Variants in ATP13A4 observed in about 807,000 individuals in gnomAD.
ATP13A4 encodes probable cation-transporting ATPase 13A4.
In ATP13A4, 114 loss-of-function variants were observed where a neutral mutation model predicts 142.5. The observed-to-expected ratio is 0.80, with a 90% CI of 0.69 to 0.93. ATP13A4 has a LOEUF of 0.93. Ranked by LOEUF, ATP13A4 falls within the 40% of genes least tolerant of loss-of-function variation. ATP13A4 has a pLI of 0.00. For synonymous variants in ATP13A4, 488 were observed against 514.8 expected, an observed-to-expected ratio of 0.95 and a Z score of 0.70; for missense variants, 1,392 against 1,454.0, an observed-to-expected ratio of 0.96 and a Z score of 0.69.
intron 23 of ATP13A4, 21 bp from the exon 24 acceptor site, chr3:193,435,765 T>TA (rs747092737): frequency 5.1e-6 from 8 of 1,583,916 alleles, no homozygotes; most frequent in Non-Finnish European, 6.9e-6. Flanking sequence ...AAAGAAATGA[T>TA]AAAGACATGA....
intron 24 of ATP13A4, 62 bp from the exon 25 acceptor site, chr3:193,433,979 A>G: frequency 7.9e-7 from 1 of 1,266,876 alleles, no homozygotes; most frequent in Non-Finnish European, 1.2e-6. Flanking sequence ...TTAGATATTG[A>G]TTACATTTAT....
At chr3:193,424,619 C>G (rs768513229) in intron 25 of ATP13A4, among the ~76,000 whole-genome samples, 4 of 149,326 alleles carry the variant, frequency 2.7e-5, no homozygotes, top group Non-Finnish European at 5.9e-5. Context: ...AATTGGTTAT[C>G]GATGCAGAAG....
intron 8 of ATP13A4, among the ~76,000 whole-genome samples, chr3:193,482,131 T>C (rs1719330045): frequency 6.6e-6 from 1 of 152,142 alleles, no homozygotes; most frequent in African/African-American, 2.4e-5. Context: ...AATCAAGAGA[T>C]AGATCCACCT....
intron 17 of ATP13A4, 98 bp downstream of exon 17, chr3:193,454,003 G>C: frequency 3.0e-6 from 3 of 1,016,040 alleles, no homozygotes; most frequent in Non-Finnish European, 4.6e-6. Context: ...CCACCACCCA[G>C]AACCCCTAAG....
At chr3:193,574,494 A>G (rs1001554488) in intron 2 of ATP13A4, among the ~76,000 whole-genome samples, 1 of 152,206 alleles carries the variant, frequency 6.6e-6, no homozygotes, top group Non-Finnish European at 1.5e-5. Context: ...CAAGGTGGAC[A>G]GATCACTTGA....
rs1717442698 is a variant in ATP13A4, at chr3:193,454,166, GC to G, written c.1961del (p.Gly654AlafsTer5). The G allele has an allele frequency of 6.2e-7, 1 of 1,614,008 alleles. No homozygotes were observed. ...TGTAGGCCAGTGCTATGACTCGGAAGCCCTGTGTCGTGTAAATCTGAAGTTC... is the reference window on the plus strand; with the variant it reads ...TGTAGGCCAGTGCTATGACTCGGAAGCCTGTGTCGTGTAAATCTGAAGTTC... ...VSELQIYTTQGFRVIALAYKK... is the reference protein window; with the variant it reads ...VSELQIYTTQXFRVIALAYKK... On this transcript the variant is annotated frameshift_variant, in exon 17 of 30. Transcript: ENST00000342695. LOFTEE classifies it high-confidence loss of function.
intron 1 of ATP13A4, among the ~76,000 whole-genome samples, chr3:193,539,628 C>T (rs1048178344): frequency 4.6e-5 from 7 of 152,218 alleles, no homozygotes; most frequent in African/African-American, 1.4e-4. Flanking sequence ...CTTCTTTCTT[C>T]AGCCTCTCAG....
chr3:193,477,510 C>T (rs2108653420), intron 8 of ATP13A4, among the ~76,000 whole-genome samples: 1 of 151,798 alleles, frequency 6.6e-6, no homozygotes, highest in Middle Eastern at 3.4e-3. Flanking sequence ...CACTTCCAAC[C>T]AAGAGAGAAT....
intron 12 of ATP13A4, 78 bp downstream of exon 12, chr3:193,464,862 G>A (rs979841519): frequency 4.9e-5 from 73 of 1,475,852 alleles, no homozygotes; most frequent in Admixed American, 6.7e-5. Flanking sequence ...CTCCTGCCTT[G>A]CAAGGGGGTA....
intron 28 of ATP13A4, among the ~76,000 whole-genome samples, chr3:193,408,424 A>G (rs574133465): frequency 6.6e-6 from 1 of 152,374 alleles, no homozygotes; most frequent in South Asian, 2.1e-4. Flanking sequence ...AAAATATTAT[A>G]TTAGCATTAA....
chr3:193,425,995 AAT>A (rs1287721805), intron 25 of ATP13A4, among the ~76,000 whole-genome samples: 2 of 151,824 alleles, frequency 1.3e-5, no homozygotes, highest in Non-Finnish European at 3.0e-5. Context: ...AATATGTACA[AAT>A]ATGTGTTAAT....
Position 193,402,298 on chromosome 3 carries a change from TC to T in ATP13A4, c.*353del. ...CTCCGTGAGTATACACAGTACTACT[TC>T]CCCTCAACTCATTTTTATAAAAAGG... is the stretch of plus-strand genomic sequence containing the variant. On this transcript the variant is annotated 3_prime_UTR_variant, in exon 30 of 30. Transcript: ENST00000342695. The T allele has an allele frequency of 3.7e-6, 1 of 273,156 alleles. No homozygotes were observed. The highest frequency in any genetic ancestry group is 7.1e-6 in the Non-Finnish European group (1 of 141,712). 16.9% of individuals were successfully genotyped at this position (273,156 alleles called of 1,614,324 possible). A position where few individuals can be genotyped will look rare whatever the true frequency, so the allele number is the denominator to read the frequency against.
rs1560214319 is a variant in ATP13A4 at position 193,474,662 on chromosome 3, AG to A, written c.809-3670del. Among the ~76,000 whole-genome samples, 43 of 150,280 alleles carry A rather than the reference AG, an allele frequency of 2.9e-4. 1 individual carries two copies. Among genetic ancestry groups the A allele is most frequent in the African/African-American group, 1.1e-3 (43 of 40,396 alleles). ...AAGAAAGAAAGGAAGAAAGAAAGAA[AG>A]AAAGAAAAAGAAAGAAAAAAGAAAG... is the stretch of plus-strand genomic sequence containing the variant. On this transcript the variant is annotated intron_variant, in intron 8 of 29. Transcript: ENST00000342695.
intron 25 of ATP13A4, among the ~76,000 whole-genome samples, chr3:193,426,295 C>G (rs1043202184): frequency 2.0e-5 from 3 of 151,522 alleles, no homozygotes; most frequent in Non-Finnish European, 4.4e-5. Context: ...ATAAACTTAA[C>G]CAAGAAAGAG....
chr3:193,427,735 A>G (rs1038347307), intron 25 of ATP13A4, among the ~76,000 whole-genome samples: 2 of 152,218 alleles, frequency 1.3e-5, no homozygotes, highest in Non-Finnish European at 2.9e-5. Context: ...CTGGCTAGCC[A>G]TATGTAGAAA....
intron 3 of ATP13A4, among the ~76,000 whole-genome samples, chr3:193,497,761 A>G (rs921773925): frequency 1.3e-5 from 2 of 152,160 alleles, no homozygotes; most frequent in African/African-American, 4.8e-5. Flanking sequence ...AATTCTGTCA[A>G]TTTTGACAAT....
chr3:193,554,636 T>G, intron 1 of ATP13A4, 104 bp downstream of exon 1: 1 of 1,402,970 alleles, frequency 7.1e-7, no homozygotes, highest in Non-Finnish European at 1.0e-6. Context: ...GAAAAGTCTG[T>G]GTGTGTGTGA....
intron 2 of ATP13A4, among the ~76,000 whole-genome samples, chr3:193,562,794 C>T (rs1724047204): frequency 6.6e-6 from 1 of 152,042 alleles, no homozygotes; most frequent in Admixed American, 6.6e-5. Context: ...TCACTTGAAC[C>T]CAGAAGGCAG....
chr3:193,466,940 A>C (rs141267265), intron 10 of ATP13A4, among the ~76,000 whole-genome samples: 2 of 151,630 alleles, frequency 1.3e-5, no homozygotes, highest in East Asian at 4.0e-4. Context: ...TATGGGTCCA[A>C]AAAAAAATGG....
Sources: gnomAD v4.1 joint callset for allele counts (sites outside exome capture counted in the v4.1 genomes callset) on GRCh38, gnomAD v4.1.1 for gene constraint, MANE v1.5 for transcripts, NCBI Gene and HGNC (gene_info 2026-07-23, HGNC 2026-07-21) for gene names.